The following KCND2 variants were observed in gnomAD, a reference collection of about 807,000 sequenced individuals.
KCND2 encodes A-type voltage-gated potassium channel KCND2.
In KCND2, 16 loss-of-function variants were observed where a neutral mutation model predicts 54.4. That is an observed-to-expected ratio of 0.29 (90% CI 0.20 to 0.45). KCND2 has a LOEUF of 0.45. Among genes scored for constraint, KCND2 ranks in the 20% least tolerant of loss-of-function variants. KCND2 has a pLI of 1.00. For synonymous variants in KCND2, 317 were observed against 310.7 expected (o/e 1.02, Z -0.21); for missense variants, 486 against 824.2 (o/e 0.59, Z 5.02).
In KCND2 at chr7:120,275,278, A is replaced by G. The variant is rs373390097; in HGVS notation, c.646A>G (p.Ile216Val). The G allele has an allele frequency of 7.4e-6, 12 of 1,613,810 alleles. No individual in the cohort carries two copies. Among genetic ancestry groups the G allele is most frequent in the Admixed American group, 1.7e-5 (1 of 59,978 alleles). Residue 216 changes from isoleucine to valine, a missense_variant, in exon 1 of 6, where the codon ATT (isoleucine) becomes GTT (valine). Ile to Val is a conservative substitution (Grantham distance 29). Transcript: ENST00000331113. ...GCCGTGCGGATCAAGCCCAGGTCAC[A>G]TTAAAGAACTGCCCTGTGGAGAGCG... ...TVPCGSSPGH[I>V]KELPCGERYA...
intron 1 of KCND2, among the ~76,000 whole-genome samples, chr7:120,277,698 G>T (rs1457654001): frequency 6.6e-6 from 1 of 151,906 alleles, no homozygotes; most frequent in Non-Finnish European, 1.5e-5. Context: ...TTCTGGAAAT[G>T]ACTTTCCAAT....
At chr7:120,404,231 C>A (rs1801315219) in intron 1 of KCND2, among the ~76,000 whole-genome samples, 1 of 152,124 alleles carries the variant, frequency 6.6e-6, no homozygotes, top group Non-Finnish European at 1.5e-5. Context: ...AAAATGACAT[C>A]ATCAACATGG....
intron 1 of KCND2, among the ~76,000 whole-genome samples, chr7:120,519,300 TC>T (rs1803246240): frequency 6.6e-6 from 1 of 151,900 alleles, no homozygotes; most frequent in South Asian, 2.1e-4. Flanking sequence ...TGAGCTGAGA[TC>T]ACACCACTGC....
intron 1 of KCND2, among the ~76,000 whole-genome samples, chr7:120,432,233 A>G (rs923501869): frequency 6.6e-6 from 1 of 152,174 alleles, no homozygotes; most frequent in Non-Finnish European, 1.5e-5. Flanking sequence ...TCCCCTCAAG[A>G]CATATTCTAG....
At chr7:120,645,591 A>G (rs1169043504) in intron 1 of KCND2, among the ~76,000 whole-genome samples, 3 of 151,830 alleles carry the variant, frequency 2.0e-5, no homozygotes, top group Non-Finnish European at 2.9e-5. Flanking sequence ...GCATGCTAAT[A>G]CAGAGTTCTG....
intron 1 of KCND2, among the ~76,000 whole-genome samples, chr7:120,615,100 C>A (rs1226041839): frequency 2.0e-5 from 3 of 152,174 alleles, no homozygotes; most frequent in African/African-American, 7.2e-5. Flanking sequence ...CAAGATCACA[C>A]AACTACATAC....
At chr7:120,431,341 A>C (rs536534337) in intron 1 of KCND2, among the ~76,000 whole-genome samples, 59 of 152,212 alleles carry the variant, frequency 3.9e-4, no homozygotes, top group Non-Finnish European at 7.8e-4. Context: ...CCTATGGTCC[A>C]GTGGAAAAAG....
At chr7:120,577,148 AAAT>A (rs113249495) in intron 1 of KCND2, among the ~76,000 whole-genome samples, 7 of 151,186 alleles carry the variant, frequency 4.6e-5, no homozygotes, top group African/African-American at 7.3e-5. Flanking sequence ...CTCTGTCTCC[AAAT>A]AATAATAATA....
At chr7:120,546,133 T>C (rs1792039864) in intron 1 of KCND2, among the ~76,000 whole-genome samples, 2 of 152,064 alleles carry the variant, frequency 1.3e-5, no homozygotes, top group East Asian at 3.9e-4. Flanking sequence ...ATCAAATGGT[T>C]ATCACCTGGT....
intron 1 of KCND2, among the ~76,000 whole-genome samples, chr7:120,607,788 T>C (rs911148530): frequency 8.6e-5 from 13 of 152,034 alleles, no homozygotes; most frequent in African/African-American, 7.2e-5. Flanking sequence ...ATTCTAGATA[T>C]AGCATGAGTG....
At chr7:120,552,231 G>A (rs1453320065) in intron 1 of KCND2, among the ~76,000 whole-genome samples, 1 of 152,046 alleles carries the variant, frequency 6.6e-6, no homozygotes, top group African/African-American at 2.4e-5. Context: ...ATTTTCTATT[G>A]GATTAAGAGA....
intron 1 of KCND2, among the ~76,000 whole-genome samples, chr7:120,625,915 A>G (rs546930690): frequency 4.1e-4 from 62 of 152,210 alleles, no homozygotes; most frequent in Admixed American, 3.3e-3. Flanking sequence ...AAAAGTGAAA[A>G]TTTAAAGTAC....
chr7:120,519,839 T>A (rs1010705043), intron 1 of KCND2, among the ~76,000 whole-genome samples: 2 of 152,206 alleles, frequency 1.3e-5, no homozygotes, highest in African/African-American at 2.4e-5. Context: ...CTGATCCATT[T>A]GCTTCATATT....
At chr7:120,285,609 T>C (rs1799328201) in intron 1 of KCND2, among the ~76,000 whole-genome samples, 1 of 151,998 alleles carries the variant, frequency 6.6e-6, no homozygotes, top group South Asian at 2.1e-4. Flanking sequence ...TGAATATTTT[T>C]CCAATCTTTT....
intron 1 of KCND2, among the ~76,000 whole-genome samples, chr7:120,380,511 T>C (rs1279390783): frequency 6.6e-6 from 1 of 151,986 alleles, no homozygotes; most frequent in Non-Finnish European, 1.5e-5. Context: ...TAAAAGACAA[T>C]ACAAAACAAT....
chr7:120,659,431 C>T (rs900173999), intron 1 of KCND2, among the ~76,000 whole-genome samples: 3 of 152,112 alleles, frequency 2.0e-5, no homozygotes, highest in Non-Finnish European at 2.9e-5. Context: ...CTAACAAACA[C>T]GGCAATATCA....
At chr7:120,469,089 A>G (rs575582130) in intron 1 of KCND2, among the ~76,000 whole-genome samples, 31 of 152,250 alleles carry the variant, frequency 2.0e-4, no homozygotes, top group African/African-American at 6.7e-4. Flanking sequence ...TCAAGTCCCT[A>G]TATTTGAAAA....
chr7:120,354,990 A>T (rs891745044), intron 1 of KCND2, among the ~76,000 whole-genome samples: 3 of 152,210 alleles, frequency 2.0e-5, no homozygotes, highest in Non-Finnish European at 4.4e-5. Flanking sequence ...TCAATATGCT[A>T]GTAAATTTAA....
intron 1 of KCND2, among the ~76,000 whole-genome samples, chr7:120,505,443 T>C (rs1802999599): frequency 6.6e-6 from 1 of 151,834 alleles, no homozygotes; most frequent in Admixed American, 6.6e-5. Flanking sequence ...TTTAGTGTTA[T>C]GCCAAAGCTA....
Sources: allele counts gnomAD v4.1 joint callset (sites outside exome capture counted in the v4.1 genomes callset), GRCh38; gene constraint gnomAD v4.1.1; transcripts MANE v1.5; gene names NCBI Gene and HGNC (gene_info 2026-07-23, HGNC 2026-07-21).